The following ADGB variants were observed in gnomAD, a reference collection of about 807,000 sequenced individuals.
The protein encoded by ADGB is calpain-7-like protein.
A neutral mutation model predicts 210.5 loss-of-function variants in ADGB; 172 were observed. That is an observed-to-expected ratio of 0.82 (90% confidence interval 0.72 to 0.93). The LOEUF (loss-of-function observed/expected upper bound fraction) is 0.93, where lower values mean the gene tolerates loss of function less well. ADGB is among the 40% of genes least tolerant of loss of function. The probability of loss-of-function intolerance (pLI) is 0.00; values close to 1 mark genes in which losing one functional copy is unlikely to be tolerated. For missense variants in ADGB, 2,025 were observed against 1,964.8 expected (o/e 1.03, Z -0.58); for synonymous variants, 658 against 662.7 (o/e 0.99, Z 0.11).
chr6:146,747,056 T>C (rs1337195246), intron 26 of ADGB, among the ~76,000 whole-genome samples: 2 of 152,186 alleles, frequency 1.3e-5, no homozygotes, highest in East Asian at 3.9e-4. Flanking sequence ...CTGTGACATA[T>C]CAAATTTTAT....
At chr6:146,714,001 T>C (rs1776696090) in intron 13 of ADGB, among the ~76,000 whole-genome samples, 1 of 152,194 alleles carries the variant, frequency 6.6e-6, no homozygotes, top group African/African-American at 2.4e-5. Context: ...TCTTATTTGA[T>C]AGATGAGTAT....
At chr6:146,749,289 T>C (rs929966754) in intron 26 of ADGB, among the ~76,000 whole-genome samples, 5 of 152,142 alleles carry the variant, frequency 3.3e-5, no homozygotes, top group African/African-American at 4.8e-5. Context: ...TGATACTGCA[T>C]AGGTAGTTCC....
At chr6:146,678,113 T>G (rs1241448784) in intron 9 of ADGB, among the ~76,000 whole-genome samples, 2 of 152,168 alleles carry the variant, frequency 1.3e-5, no homozygotes, top group African/African-American at 4.8e-5. Context: ...TTCAATCAGC[T>G]GCTTTGGTTT....
At chr6:146,748,507 T>G (rs961579065) in intron 26 of ADGB, among the ~76,000 whole-genome samples, 5 of 152,278 alleles carry the variant, frequency 3.3e-5, no homozygotes, top group Middle Eastern at 3.4e-3. Flanking sequence ...TAATCTTTGG[T>G]TATCCTTAGC....
At chr6:146,733,052 A>G (rs1777018876) in intron 20 of ADGB, 68 bp from the exon 21 acceptor site, 1 of 1,203,646 alleles carries the variant, frequency 8.3e-7, no homozygotes, top group African/African-American at 1.6e-5. Context: ...AGTATCTAAA[A>G]ATTTTTTAGA....
intron 7 of ADGB, among the ~76,000 whole-genome samples, chr6:146,671,497 A>G (rs1432692359): frequency 6.6e-6 from 1 of 152,026 alleles, no homozygotes; most frequent in African/African-American, 2.4e-5. Flanking sequence ...ATTTTTGTTT[A>G]CTTATCTTTT....
Position 146,733,122 on chromosome 6 carries a change from T to A in ADGB, c.2523T>A (p.Val841=). The A allele has an allele frequency of 7.1e-7, 1 of 1,410,710 alleles. No homozygotes were observed. The highest frequency in any genetic ancestry group is 9.6e-7 in the Non-Finnish European group (1 of 1,043,980). The allele number at this position is 1,410,710 out of a possible 1,614,324, so 87.4% of individuals were successfully genotyped here. A position where few individuals can be genotyped will look rare whatever the true frequency, so the allele number is the denominator to read the frequency against. Residue 841 remains valine (V), a splice_region_variant and synonymous_variant, in exon 21 of 36, where the codon GTT becomes GTA. Transcript: ENST00000397944. ...TAAAAAAAATTTATGTGTTTCAGGT[T>A]TTTCATCTTTCCTTATGGCGTTTAA... is the stretch of plus-strand genomic sequence containing the variant. ...DKELTAQHFR[V]FHLSLWRLMK...
intron 33 of ADGB, among the ~76,000 whole-genome samples, chr6:146,794,883 A>T (rs1778017592): frequency 6.6e-6 from 1 of 152,160 alleles, no homozygotes; most frequent in Non-Finnish European, 1.5e-5. Context: ...AAACCAGTGA[A>T]AGTGGGGACA....
chr6:146,660,233 A>T (rs1359647265), intron 5 of ADGB, among the ~76,000 whole-genome samples: 1 of 152,204 alleles, frequency 6.6e-6, no homozygotes, highest in Non-Finnish European at 1.5e-5. Flanking sequence ...AATTTGAGGA[A>T]CAATGTTTGC....
At position 146,801,488 on chromosome 6, in the gene ADGB, TAA is replaced by T. The variant is rs1465678469; in HGVS notation, c.4634+210_4634+211del. ...GATAGAAATATATTAAGCATATTTA[TAA>T]GTTTGAAAACATCATCAAAATTATT... On this transcript the variant is annotated intron_variant, in intron 34 of 35. Transcript: ENST00000397944. Among the ~76,000 whole-genome samples the T allele has an allele frequency of 1.8e-4, 27 of 152,334 alleles. No homozygotes were observed. In the East Asian group the frequency reaches 2.3e-3, roughly 13 times the overall value.
Position 146,624,467 on chromosome 6 carries a change from T to C in ADGB, c.75-10908T>C, listed in dbSNP as rs368412274. Among the ~76,000 whole-genome samples the C allele has an allele frequency of 1.2e-4, 19 of 152,026 alleles. No homozygotes were observed. In the East Asian group the frequency reaches 1.9e-3, roughly 15 times the overall value. ...TGATAGTTGTGTTTTCTCTCCTATA[T>C]TCTTGATCAATCTGATGAAAGGTTG... On this transcript the variant is annotated intron_variant, in intron 1 of 35. Transcript: ENST00000397944.
At chr6:146,729,597 G>A (rs940632900) in intron 20 of ADGB, among the ~76,000 whole-genome samples, 4 of 151,818 alleles carry the variant, frequency 2.6e-5, no homozygotes, top group Non-Finnish European at 5.9e-5. Flanking sequence ...ACCACACCTG[G>A]CTAATTAAAA....
intron 32 of ADGB, among the ~76,000 whole-genome samples, chr6:146,786,195 TTATA>T (rs1303898893): frequency 1.4e-5 from 2 of 147,892 alleles, no homozygotes; most frequent in Non-Finnish European, 3.0e-5. Context: ...ATATATTATA[TTATA>T]TATATTTAAG....
chr6:146,674,052 G>A (rs1776050999), intron 8 of ADGB, among the ~76,000 whole-genome samples: 1 of 152,126 alleles, frequency 6.6e-6, no homozygotes, highest in Non-Finnish European at 1.5e-5. Context: ...TGTCATCGGG[G>A]CCAAAGGAAA....
At chr6:146,798,958 C>A (rs991900296) in intron 33 of ADGB, among the ~76,000 whole-genome samples, 8 of 150,524 alleles carry the variant, frequency 5.3e-5, no homozygotes, top group African/African-American at 2.0e-4. Context: ...GATAGTAATA[C>A]CCCTCAAATT....
At chr6:146,792,956 G>C (rs1303913470) in intron 33 of ADGB, among the ~76,000 whole-genome samples, 1 of 152,154 alleles carries the variant, frequency 6.6e-6, no homozygotes, top group Non-Finnish European at 1.5e-5. Flanking sequence ...AGCTCTTAAA[G>C]ATGGCATGGA....
chr6:146,741,109 T>C lies in ADGB; in HGVS notation c.3024-9T>C, dbSNP rs116842357. 110 of 1,505,306 alleles carry C rather than the reference T, an allele frequency of 7.3e-5. No homozygotes were observed. Among genetic ancestry groups the C allele is most frequent in the Non-Finnish European group, 9.7e-5 (109 of 1,126,738 alleles). 93.2% of individuals were successfully genotyped at this position (1,505,306 alleles called of 1,614,324 possible). A position where few individuals can be genotyped will look rare whatever the true frequency, so the allele number is the denominator to read the frequency against. ...CATCAAGGGAAAGTTCATGCTTTTG[T>C]AATTACAGAGAAACATTTTTGGTTC... On this transcript the variant is annotated splice_polypyrimidine_tract_variant and intron_variant, in intron 24 of 35. Transcript: ENST00000397944.
chr6:146,795,343 G>T (rs941927250), intron 33 of ADGB, among the ~76,000 whole-genome samples: 2 of 152,092 alleles, frequency 1.3e-5, no homozygotes, highest in African/African-American at 2.4e-5. Flanking sequence ...GCACAGTAAA[G>T]GAACTATCAA....
chr6:146,691,149 C>A lies in ADGB; in HGVS notation c.1345C>A (p.Leu449Ile), dbSNP rs1448035356. ...DSAEKLREYG[L>I]SHICSHPVLV... is the part of the protein sequence containing the mutation. Reference sequence around the variant, plus strand: ...TGCTGAGAAACTTAGAGAATATGGGCTTTCCCACATCTGTAGCCATCCTGT... The same window carrying A: ...TGCTGAGAAACTTAGAGAATATGGGATTTCCCACATCTGTAGCCATCCTGT... The change falls in exon 11 of 36, where the codon CTT (leucine) becomes ATT (isoleucine). Residue 449 changes from leucine to isoleucine, a missense_variant. Physicochemically the swap from Leu to Ile is conservative, Grantham distance 5. Transcript: ENST00000397944. The A allele has an allele frequency of 1.1e-5, 17 of 1,544,708 alleles. No homozygotes were observed. The Admixed American group carries it at 3.2e-4, about 29-fold the overall frequency.
Sources: allele counts gnomAD v4.1 joint callset (sites outside exome capture counted in the v4.1 genomes callset), GRCh38; gene constraint gnomAD v4.1.1; transcripts MANE v1.5; gene names NCBI Gene and HGNC (gene_info 2026-07-23, HGNC 2026-07-21).